The following GPHN variants were observed in gnomAD, a reference collection of about 807,000 sequenced individuals.
GPHN encodes gephyrin.
A neutral mutation model predicts 95.5 loss-of-function variants in GPHN; 17 were observed. The observed-to-expected ratio is 0.18, with a 90% CI of 0.12 to 0.27. The LOEUF is 0.27. GPHN is among the 10% of genes least tolerant of loss of function. The pLI is 1.00. For missense variants in GPHN, 660 were observed against 978.1 expected, an observed-to-expected ratio of 0.67 and a Z score of 4.34; for synonymous variants, 320 against 322.5, an observed-to-expected ratio of 0.99 and a Z score of 0.08.
intron 1 of GPHN, among the ~76,000 whole-genome samples, chr14:66,654,567 G>C (rs2065212604): frequency 6.6e-6 from 1 of 152,036 alleles, no homozygotes; most frequent in South Asian, 2.1e-4. Context: ...TGTTTTCTTG[G>C]ATACATTGTT....
the GPHN span, among the ~76,000 whole-genome samples, chr14:67,444,758 A>G: frequency 1.3e-5 from 2 of 152,216 alleles, no homozygotes; most frequent in South Asian, 4.1e-4. Flanking sequence ...TGAATTACAC[A>G]AACTCTTTTT....
chr14:67,533,190 C>T, the GPHN span: 1 of 152,082 alleles, frequency 6.6e-6, no homozygotes, highest in African/African-American at 2.4e-5. Flanking sequence ...CGCAGCAAGG[C>T]TCGGCCGGGC....
At chr14:66,850,159 T>G (rs1023339211) in intron 4 of GPHN, among the ~76,000 whole-genome samples, 1 of 152,292 alleles carries the variant, frequency 6.6e-6, no homozygotes, top group Admixed American at 6.5e-5. Flanking sequence ...TAATGGTCTA[T>G]TCATAGATAT....
At chr14:67,587,045 A>G in the GPHN span, 2 of 1,556,732 alleles carry the variant, frequency 1.3e-6, no homozygotes, top group Admixed American at 1.9e-5. Context: ...GGCTAGTTCA[A>G]TTCCTTCACA....
intron 4 of GPHN, among the ~76,000 whole-genome samples, chr14:66,874,666 A>G (rs939148985): frequency 2.7e-4 from 41 of 152,334 alleles, no homozygotes; most frequent in Middle Eastern, 6.8e-3. Flanking sequence ...CAGAGATTGA[A>G]GATCAAATTA....
intron 13 of GPHN, among the ~76,000 whole-genome samples, chr14:67,107,691 G>A (rs1389613943): frequency 6.6e-6 from 1 of 152,168 alleles, no homozygotes; most frequent in Non-Finnish European, 1.5e-5. Flanking sequence ...AGACTCTGAG[G>A]CCAGGTGCAG....
chr14:67,077,919 T>C (rs1294700639), intron 11 of GPHN, among the ~76,000 whole-genome samples: 2 of 152,180 alleles, frequency 1.3e-5, no homozygotes, highest in African/African-American at 2.4e-5. Flanking sequence ...ATTGTATATG[T>C]GGCCCAGGGT....
the GPHN span, chr14:67,446,161 G>T: frequency 2.3e-6 from 1 of 426,466 alleles, no homozygotes; most frequent in Non-Finnish European, 4.5e-6. Context: ...CTTTTTCCCT[G>T]ATGCACTCGG....
At chr14:67,635,845 T>TC in the GPHN span, among the ~76,000 whole-genome samples, 3 of 152,238 alleles carry the variant, frequency 2.0e-5, no homozygotes, top group Admixed American at 1.3e-4. Flanking sequence ...GAGCAAAACT[T>TC]CATCTAAAAA....
intron 2 of GPHN, among the ~76,000 whole-genome samples, chr14:66,759,341 C>T (rs979135436): frequency 1.3e-5 from 2 of 151,626 alleles, no homozygotes; most frequent in African/African-American, 4.8e-5. Flanking sequence ...CCAGTTTTCC[C>T]AAGGGGCTCT....
intron 11 of GPHN, among the ~76,000 whole-genome samples, chr14:67,068,703 C>G (rs541035346): frequency 6.6e-6 from 1 of 152,144 alleles, no homozygotes; most frequent in East Asian, 1.9e-4. Flanking sequence ...TGTCTCTGAC[C>G]TAGGTTCTCT....
chr14:67,331,012 T>C, the GPHN span, among the ~76,000 whole-genome samples: 1 of 152,048 alleles, frequency 6.6e-6, no homozygotes, highest in Admixed American at 6.6e-5. Flanking sequence ...TATCTGATTG[T>C]ATTTATTCTA....
chr14:66,972,233 A>T (rs1206872453), intron 9 of GPHN, among the ~76,000 whole-genome samples: 1 of 148,640 alleles, frequency 6.7e-6, no homozygotes, highest in East Asian at 2.0e-4. Flanking sequence ...GCACCATTGC[A>T]CTCCAGCCGG....
At chr14:67,707,514 C>T in the GPHN span, among the ~76,000 whole-genome samples, 2 of 152,156 alleles carry the variant, frequency 1.3e-5, no homozygotes, top group Non-Finnish European at 2.9e-5. Context: ...CTGCAACCTC[C>T]ACCTCCTGGG....
chr14:67,542,947 C>A, the GPHN span, among the ~76,000 whole-genome samples: 1 of 152,104 alleles, frequency 6.6e-6, no homozygotes, highest in African/African-American at 2.4e-5. Context: ...TGATCCTCGC[C>A]TCAGGTGATC....
the GPHN span, among the ~76,000 whole-genome samples, chr14:67,411,734 A>G: frequency 6.6e-6 from 1 of 152,254 alleles, no homozygotes; most frequent in Non-Finnish European, 1.5e-5. Context: ...TATTTTAACA[A>G]GTTTTAATTA....
intron 11 of GPHN, among the ~76,000 whole-genome samples, chr14:67,064,783 C>G (rs1407467308): frequency 6.6e-6 from 1 of 151,996 alleles, no homozygotes; most frequent in Non-Finnish European, 1.5e-5. Context: ...GGTGATATCC[C>G]CTTTATCATT....
Position 66,681,198 on chromosome 14 carries a change from C to G in GPHN, c.143+13C>G, listed in dbSNP as rs2066914077. ...AAGATCCTTCTTTGTGAGTATTGTG[C>G]TTTCAGTATTAAGTATAAATTAAAA... On this transcript the variant is annotated intron_variant, in intron 2 of 22. Transcript: ENST00000478722. 5.5e-6 allele frequency: 8 copies of G among 1,453,474 alleles called. No individual in the cohort carries two copies. The highest frequency in any genetic ancestry group is 4.2e-5 in the African/African-American group (3 of 71,684). The allele number at this position is 1,453,474 out of a possible 1,614,324, so 90.0% of individuals were successfully genotyped here.
chr14:67,698,249 G>A, the GPHN span, among the ~76,000 whole-genome samples: 1 of 152,284 alleles, frequency 6.6e-6, no homozygotes, highest in East Asian at 1.9e-4. Flanking sequence ...AATTTCAGGT[G>A]GTTTATAGAC....
Sources: gnomAD v4.1 joint callset for allele counts (sites outside exome capture counted in the v4.1 genomes callset) on GRCh38, gnomAD v4.1.1 for gene constraint, MANE v1.5 for transcripts, NCBI Gene and HGNC (gene_info 2026-07-23, HGNC 2026-07-21) for gene names.